LOXL2: variants seen among roughly 807,000 people sequenced by gnomAD.
The protein encoded by LOXL2 is lysyl oxidase homolog 2.
Under a neutral mutation model 93.0 loss-of-function variants are expected in LOXL2, and 70 were observed. The ratio of observed to expected loss-of-function variants is 0.75; its 90% CI spans 0.62 to 0.92. The LOEUF (loss-of-function observed/expected upper bound fraction) is 0.92, where lower values mean the gene tolerates loss of function less well. Ranked by LOEUF, LOXL2 falls within the 40% of genes least tolerant of loss-of-function variation. The pLI is 0.00. For missense variants in LOXL2, 973 were observed against 1,054.9 expected (o/e 0.92, Z 1.08); for synonymous variants, 438 against 413.2 (o/e 1.06, Z -0.73).
intron 9 of LOXL2, among the ~76,000 whole-genome samples, chr8:23,314,170 T>C (rs930538988): frequency 2.0e-5 from 3 of 152,054 alleles, no homozygotes; most frequent in African/African-American, 2.4e-5. Context: ...TGTAGAGAGA[T>C]AGGAACACTT....
intron 1 of LOXL2, among the ~76,000 whole-genome samples, chr8:23,392,323 G>C (rs1312304675): frequency 6.6e-6 from 1 of 152,210 alleles, no homozygotes; most frequent in Non-Finnish European, 1.5e-5. Flanking sequence ...CAGGCATCAA[G>C]TGTCACATCA....
intron 12 of LOXL2, among the ~76,000 whole-genome samples, chr8:23,300,308 G>A (rs759496148): frequency 5.3e-5 from 8 of 152,234 alleles, no homozygotes; most frequent in Non-Finnish European, 1.0e-4. Context: ...GAGGGCCTGC[G>A]GGAAGTGGCT....
At chr8:23,397,622 G>C (rs1800106540) in intron 1 of LOXL2, among the ~76,000 whole-genome samples, 2 of 151,892 alleles carry the variant, frequency 1.3e-5, no homozygotes, top group Admixed American at 1.3e-4. Flanking sequence ...ACTAAAAATA[G>C]AAAACATTAG....
chr8:23,332,379 TACACACTCATACAC>T (rs368097447), intron 5 of LOXL2, among the ~76,000 whole-genome samples: 1,246 of 75,156 alleles, frequency 0.017, 10 homozygotes, highest in Middle Eastern at 0.083. Flanking sequence ...ACACCCCACA[TACACACTCATACAC>T]ACACACTCAT....
intron 3 of LOXL2, among the ~76,000 whole-genome samples, chr8:23,344,204 T>C (rs1373991252): frequency 1.3e-5 from 2 of 152,200 alleles, no homozygotes; most frequent in Admixed American, 1.3e-4. Context: ...TGCGGGACAG[T>C]TTCCTCCGCT....
rs145351775 is a variant in LOXL2, at chr8:23,325,497, G to T, written c.1150+2885C>A. ...TGTAGAGAGGGGGTCTCACTATGTT[G>T]CCCAGGCTCGTCTTGAACTCCCAGG... On this transcript the variant is annotated intron_variant, in intron 6 of 13. Transcript: ENST00000389131. Among the ~76,000 whole-genome samples the T allele has an allele frequency of 1.5e-3, 234 of 152,160 alleles. 2 individuals are homozygous for T. The highest frequency in any genetic ancestry group is 0.014 in the Admixed American group (214 of 15,294).
intron 6 of LOXL2, among the ~76,000 whole-genome samples, chr8:23,326,413 C>G (rs1219673171): frequency 6.6e-6 from 1 of 152,100 alleles, no homozygotes; most frequent in Non-Finnish European, 1.5e-5. Flanking sequence ...CCTTGGAGAG[C>G]ACAAACCCAC....
chr8:23,363,325 C>T (rs146057062), intron 2 of LOXL2: 2,602 of 152,310 alleles, frequency 0.017, 36 homozygotes, highest in Non-Finnish European at 0.027. Context: ...AGGGCTCAAA[C>T]GACAGCACCT....
intron 3 of LOXL2, among the ~76,000 whole-genome samples, chr8:23,355,318 C>CG (rs1287804963): frequency 6.6e-6 from 1 of 151,730 alleles, no homozygotes; most frequent in Admixed American, 6.6e-5. Context: ...CATCTCCCCC[C>CG]ATATCTCTTT....
chr8:23,343,468 C>A (rs77101266), intron 3 of LOXL2, among the ~76,000 whole-genome samples: 14 of 152,272 alleles, frequency 9.2e-5, no homozygotes, highest in Non-Finnish European at 1.9e-4. Flanking sequence ...TGGTCCAAGC[C>A]GGGCTGGAAG....
chr8:23,385,430 T>G (rs1804745488), intron 1 of LOXL2, among the ~76,000 whole-genome samples: 1 of 132,606 alleles, frequency 7.5e-6, no homozygotes, highest in South Asian at 2.4e-4. Flanking sequence ...TTTTTTTTTT[T>G]GGTATTTTCA....
chr8:23,333,057 T>G (rs1473637068), intron 5 of LOXL2, among the ~76,000 whole-genome samples: 1 of 152,158 alleles, frequency 6.6e-6, no homozygotes, highest in Non-Finnish European at 1.5e-5. Context: ...CTTGCAAATG[T>G]GTCGCTGACT....
rs1421980335 is a variant in LOXL2, at chr8:23,322,147, T to C, written c.1285A>G (p.Met429Val). The C allele has an allele frequency of 6.2e-7, 1 of 1,614,190 alleles. No homozygotes were observed. Among genetic ancestry groups the C allele is most frequent in the African/African-American group, 1.3e-5 (1 of 75,060 alleles). Reference sequence around the variant, plus strand: ...CCCATCACCTTCTTCTGCAAGCCCATGGCAGGGGTGTTGCATCTCACACCA... The same window carrying C: ...CCCATCACCTTCTTCTGCAAGCCCACGGCAGGGGTGTTGCATCTCACACCA... The part of the protein sequence containing the change: ...DAGVRCNTPA[M>V]GLQKKLRLNG... The change falls in exon 7 of 14, where the codon ATG (methionine) becomes GTG (valine). Residue 429 changes from methionine to valine, a missense_variant. Met to Val is a conservative substitution (Grantham distance 21). Transcript: ENST00000389131.
intron 1 of LOXL2, among the ~76,000 whole-genome samples, chr8:23,395,407 G>A (rs1800078398): frequency 6.6e-6 from 1 of 151,714 alleles, no homozygotes; most frequent in African/African-American, 2.4e-5. Flanking sequence ...CTAGATTAGT[G>A]GCTGTTTAAG....
At chr8:23,396,319 AAAAC>A (rs71548892) in intron 1 of LOXL2, among the ~76,000 whole-genome samples, 41,312 of 150,358 alleles carry the variant, frequency 0.27, 5,790 homozygotes, top group African/African-American at 0.33. Flanking sequence ...CTCAGTCTCA[AAAAC>A]AAACAAACAA....
intron 1 of LOXL2, among the ~76,000 whole-genome samples, chr8:23,392,169 C>T: frequency 6.6e-6 from 1 of 152,186 alleles, no homozygotes; most frequent in East Asian, 1.9e-4. Context: ...ATGGCAGGGG[C>T]AGCTGGCACA....
At chr8:23,308,087 T>A (rs893626127) in intron 10 of LOXL2, among the ~76,000 whole-genome samples, 1 of 152,110 alleles carries the variant, frequency 6.6e-6, no homozygotes, top group African/African-American at 2.4e-5. Context: ...TAGCATTATC[T>A]TGGGCAAGAG....
chr8:23,383,940 G>A (rs1254047497), intron 1 of LOXL2, among the ~76,000 whole-genome samples: 2 of 152,094 alleles, frequency 1.3e-5, no homozygotes, highest in East Asian at 1.9e-4. Flanking sequence ...GATTACAGGC[G>A]TGAGCCACCG....
At chr8:23,302,916 A>T (rs1368076932) in intron 11 of LOXL2, among the ~76,000 whole-genome samples, 2 of 152,160 alleles carry the variant, frequency 1.3e-5, no homozygotes, top group African/African-American at 2.4e-5. Flanking sequence ...TGGTAGGGAC[A>T]CTTGGCATTG....
Sources: gnomAD v4.1 joint callset for allele counts (sites outside exome capture counted in the v4.1 genomes callset) on GRCh38, gnomAD v4.1.1 for gene constraint, MANE v1.5 for transcripts, NCBI Gene and HGNC (gene_info 2026-07-23, HGNC 2026-07-21) for gene names.